Variants in SEC24B observed in about 807,000 individuals in gnomAD.
The protein encoded by SEC24B is SEC24 homolog B, COPII component, also known as protein transport protein Sec24B.
SEC24B carries 45 observed loss-of-function variants against 142.8 expected under a neutral mutation model. The ratio of observed to expected loss-of-function variants is 0.32; its 90% CI spans 0.25 to 0.40. The LOEUF is 0.40. Among genes scored for constraint, SEC24B ranks in the 10% least tolerant of loss-of-function variants. SEC24B has a pLI of 1.00. For synonymous variants in SEC24B, 574 were observed against 568.2 expected, an observed-to-expected ratio of 1.01 and a Z score of -0.15; for missense variants, 1,409 against 1,526.8, an observed-to-expected ratio of 0.92 and a Z score of 1.29.
intron 1 of SEC24B, among the ~76,000 whole-genome samples, chr4:109,444,146 C>T (rs1300727773): frequency 3.4e-5 from 5 of 147,452 alleles, no homozygotes; most frequent in East Asian, 2.0e-4. Flanking sequence ...TGTTGGAACC[C>T]GGGAGGTGGA....
At chr4:109,535,405 A>G (rs1725412487) in intron 22 of SEC24B, among the ~76,000 whole-genome samples, 1 of 150,588 alleles carries the variant, frequency 6.6e-6, no homozygotes, top group Non-Finnish European at 1.5e-5. Context: ...ATACAAAAAA[A>G]ATTAGCCAGG....
chr4:109,494,894 T>C (rs200676082), intron 6 of SEC24B, 38 bp downstream of exon 6: 34 of 1,603,614 alleles, frequency 2.1e-5, no homozygotes, highest in Non-Finnish European at 2.9e-5. Context: ...GTAACAGTTA[T>C]AAAACTTAAT....
rs750274496 is a variant in SEC24B, at chr4:109,463,214, C to T, written c.447C>T (p.Ser149=). The T allele has an allele frequency of 6.2e-7, 1 of 1,614,164 alleles. No homozygotes were observed. Among genetic ancestry groups the T allele is most frequent in the Non-Finnish European group, 8.5e-7 (1 of 1,180,030 alleles). ...SSASHLHTSA[S]QPYSSFVNHY... is the part of the protein sequence containing the mutation. ...CATCCCATTTGCATACGAGTGCCTC[C>T]CAACCATACTCCTCTTTTGTGAATC... Residue 149 remains serine (S), a synonymous_variant, in exon 2 of 24, where the codon TCC becomes TCT. Coordinates refer to ENST00000265175, the MANE Select transcript of SEC24B (RefSeq NM_006323.5).
intron 22 of SEC24B, among the ~76,000 whole-genome samples, chr4:109,534,118 C>T (rs1202278904): frequency 2.0e-5 from 3 of 151,608 alleles, no homozygotes; most frequent in Non-Finnish European, 4.4e-5. Context: ...TAATGGCTCA[C>T]TATAGCCTCG....
At chr4:109,491,024 A>T (rs901913814) in intron 4 of SEC24B, among the ~76,000 whole-genome samples, 2 of 151,822 alleles carry the variant, frequency 1.3e-5, no homozygotes, top group Non-Finnish European at 1.5e-5. Flanking sequence ...TATCAACCTA[A>T]AGTTTTTGTT....
chr4:109,516,936 A>G (rs894280961), intron 11 of SEC24B, among the ~76,000 whole-genome samples: 12 of 152,204 alleles, frequency 7.9e-5, no homozygotes, highest in Admixed American at 5.2e-4. Flanking sequence ...TAGCCAGTAT[A>G]TCGGGAATCT....
Position 109,540,173 on chromosome 4 carries a change from A to G in SEC24B, c.*498A>G, listed in dbSNP as rs913371760. On this transcript the variant is annotated 3_prime_UTR_variant, in exon 24 of 24. Coordinates refer to ENST00000265175, the MANE Select transcript of SEC24B (RefSeq NM_006323.5). ...ATTCAACATTTTCTCTGTAAAAACA[A>G]TAGAGTTTCAGTACATGAACTATAG... 5 of 152,758 alleles carry G rather than the reference A, an allele frequency of 3.3e-5. No individual in the cohort carries two copies. Among genetic ancestry groups the G allele is most frequent in the African/African-American group, 1.2e-4 (5 of 41,462 alleles). 9.5% of individuals were successfully genotyped at this position (152,758 alleles called of 1,614,324 possible).
chr4:109,534,996 A>T (rs577332409), intron 22 of SEC24B, among the ~76,000 whole-genome samples: 2 of 151,352 alleles, frequency 1.3e-5, no homozygotes, highest in East Asian at 4.0e-4. Flanking sequence ...CTTTTTTATG[A>T]CTGAAAAATA....
intron 18 of SEC24B, among the ~76,000 whole-genome samples, chr4:109,529,442 G>A (rs940576935): frequency 1.3e-5 from 2 of 151,688 alleles, no homozygotes; most frequent in African/African-American, 4.8e-5. Flanking sequence ...TATATTATAG[G>A]TTATCCCTAT....
chr4:109,480,866 T>C (rs1733667892), intron 3 of SEC24B, among the ~76,000 whole-genome samples: 1 of 152,256 alleles, frequency 6.6e-6, no homozygotes, highest in African/African-American at 2.4e-5. Context: ...TCAGATCAAA[T>C]AATAGAAATA....
rs1453030826 is a variant in SEC24B at position 109,483,010 on chromosome 4, T to C, written c.1165+1229T>C. ...CACACACACACACACACACATATTA[T>C]ACATATGTTTTTTATATATGTATTT... On this transcript the variant is annotated intron_variant, in intron 4 of 23. Transcript: ENST00000265175. 5.8e-4 allele frequency among the ~76,000 whole-genome samples: 51 copies of C among 87,810 alleles called. 1 individual carries two copies. The highest frequency in any genetic ancestry group is 2.0e-3 in the African/African-American group (34 of 16,596). 57.6% of individuals were successfully genotyped at this position (87,810 alleles called of 152,430 possible).
At chr4:109,483,972 TTA>T (rs537975133) in intron 4 of SEC24B, among the ~76,000 whole-genome samples, 130 of 152,320 alleles carry the variant, frequency 8.5e-4, no homozygotes, top group Middle Eastern at 6.8e-3. Flanking sequence ...CCCTAATACT[TTA>T]TGTTTCCTAA....
chr4:109,468,042 G>A (rs557294082), intron 2 of SEC24B, among the ~76,000 whole-genome samples: 1 of 152,254 alleles, frequency 6.6e-6, no homozygotes, highest in South Asian at 2.1e-4. Flanking sequence ...TCTCTGGTTG[G>A]TAATGTGCCT....
chr4:109,524,967 T>A (rs753842050), intron 15 of SEC24B, 26 bp downstream of exon 15: 9 of 1,578,636 alleles, frequency 5.7e-6, no homozygotes, highest in Admixed American at 3.8e-5. Flanking sequence ...ATGGGTACAT[T>A]TGTTTAAATG....
chr4:109,438,477 C>T (rs1215083807), intron 1 of SEC24B, among the ~76,000 whole-genome samples: 2 of 152,066 alleles, frequency 1.3e-5, no homozygotes, highest in Non-Finnish European at 2.9e-5. Flanking sequence ...CCATACCCAG[C>T]TAACTTTTAA....
At chr4:109,439,538 T>C (rs1405286639) in intron 1 of SEC24B, among the ~76,000 whole-genome samples, 1 of 127,830 alleles carries the variant, frequency 7.8e-6, no homozygotes, top group Non-Finnish European at 1.6e-5. Flanking sequence ...GTTTCAGTCT[T>C]GTTGACCAGG....
chr4:109,533,545 G>T, intron 21 of SEC24B, 48 bp from the exon 22 acceptor site: 4 of 1,133,008 alleles, frequency 3.5e-6, no homozygotes, highest in South Asian at 1.3e-5. Context: ...TAATGAAAAT[G>T]AATTAACTAT....
At chr4:109,524,544 T>C (rs1724006522) in intron 14 of SEC24B, among the ~76,000 whole-genome samples, 1 of 152,194 alleles carries the variant, frequency 6.6e-6, no homozygotes, top group South Asian at 2.1e-4. Flanking sequence ...AATCAGTTAT[T>C]GCCTCAGTTT....
intron 3 of SEC24B, among the ~76,000 whole-genome samples, chr4:109,477,005 CG>C (rs1733230520): frequency 6.6e-6 from 1 of 150,722 alleles, no homozygotes; most frequent in South Asian, 2.1e-4. Flanking sequence ...GGCGTAGTGG[CG>C]GGCGCCTGTA....
Sources: gnomAD v4.1 joint callset for allele counts (sites outside exome capture counted in the v4.1 genomes callset) on GRCh38, gnomAD v4.1.1 for gene constraint, MANE v1.5 for transcripts, NCBI Gene and HGNC (gene_info 2026-07-23, HGNC 2026-07-21) for gene names.